Variants in PHF8 observed in about 807,000 individuals in gnomAD.
PHF8 encodes the protein PHD finger protein 8.
Under a neutral mutation model 74.4 loss-of-function variants are expected in PHF8, and 9 were observed. The observed-to-expected ratio is 0.12, with a 90% CI of 0.07 to 0.21. The LOEUF (loss-of-function observed/expected upper bound fraction) is 0.21. PHF8 is among the 10% of genes least tolerant of loss of function. The pLI is 1.00. For missense variants in PHF8, 478 were observed against 816.6 expected (o/e 0.59, Z 5.05); for synonymous variants, 311 against 316.6 (o/e 0.98, Z 0.19).
chrX:53,961,531 C>T (rs782703508), intron 19 of PHF8, among the ~76,000 whole-genome samples: 2 of 111,218 alleles, frequency 1.8e-5, no homozygotes, highest in Non-Finnish European at 3.8e-5. Flanking sequence ...TTCACCATGT[C>T]GGTCAGGCTG....
intron 2 of PHF8, among the ~76,000 whole-genome samples, chrX:54,040,457 G>A (rs1481501311): frequency 1.8e-5 from 2 of 111,999 alleles, no homozygotes; most frequent in Non-Finnish European, 3.8e-5. Context: ...GAATGACACA[G>A]ATATATTTAT....
chrX:53,992,679 A>T, intron 14 of PHF8, 57 bp downstream of exon 14: 1 of 689,391 alleles, frequency 1.5e-6, no homozygotes, highest in Non-Finnish European at 2.3e-6. Flanking sequence ...GCCCTGTCTC[A>T]GTGGCATATT....
intron 19 of PHF8, among the ~76,000 whole-genome samples, chrX:53,962,369 T>C (rs782357659): frequency 2.7e-4 from 30 of 111,892 alleles, no homozygotes; most frequent in Admixed American, 1.7e-3. Context: ...TCTTCCATTA[T>C]CCTCTAAACT....
intron 18 of PHF8, among the ~76,000 whole-genome samples, chrX:53,964,563 ATCATAGAAATAGAAAG>A (rs2065150823): frequency 9.0e-6 from 1 of 111,421 alleles, no homozygotes. Context: ...AGGTGTCAAA[ATCATAGAAATAGAAAG>A]TAGAGGTCGG....
chrX:54,028,634 G>A (rs1414602459), intron 2 of PHF8, among the ~76,000 whole-genome samples: 2 of 111,078 alleles, frequency 1.8e-5, no homozygotes, highest in African/African-American at 3.3e-5. Context: ...AGCCACTTAC[G>A]TACTTCAAAT....
rs1028478905 is a variant in PHF8, at chrX:54,002,532, T to C, written c.1034+63A>G. On this transcript the variant is annotated intron_variant, in intron 9 of 21. Coordinates refer to ENST00000338154, the MANE Select transcript of PHF8 (RefSeq NM_015107.3). ...CTGGCCATGTCCCCTCCTTCTACATTATACTCCTCACTCTAGCAGACAGGA... is the reference window on the plus strand; with the variant it reads ...CTGGCCATGTCCCCTCCTTCTACATCATACTCCTCACTCTAGCAGACAGGA... 1.1e-5 allele frequency: 8 copies of C among 731,743 alleles called. No homozygotes were observed. The African/African-American group carries it at 1.7e-4, about 15-fold the overall frequency. The allele number at this position is 731,743 out of a possible 1,213,427, so 60.3% of individuals were successfully genotyped here.
chrX:53,962,174 G>T (rs1297921024), intron 19 of PHF8, among the ~76,000 whole-genome samples: 3 of 111,653 alleles, frequency 2.7e-5, no homozygotes, highest in African/African-American at 9.8e-5. Context: ...GAACTTTTGA[G>T]ACCATTCAGC....
chrX:54,000,972 G>A (rs2065817448), intron 10 of PHF8, among the ~76,000 whole-genome samples: 1 of 113,005 alleles, frequency 8.8e-6, no homozygotes, highest in South Asian at 3.6e-4. Flanking sequence ...ATTATGCTGA[G>A]TAAAAAAGTG....
chrX:53,985,013 G>A lies in PHF8; in HGVS notation c.2344C>T (p.Arg782Trp), dbSNP rs1557099077. Reference protein sequence around the residue: ...QRTPGKRPIKRPAYWRTESEE... With the variant: ...QRTPGKRPIKWPAYWRTESEE... ...CTCTCGGTTCTCCAGTATGCTGGCC[G>A]CTTGATGGGCCGCTTCCCTGGGGTG... The change falls in exon 18 of 22, where the codon CGG (arginine) becomes TGG (tryptophan). Residue 782 changes from arginine to tryptophan, a missense_variant. Physicochemically the swap from Arg to Trp is moderately radical, Grantham distance 101. Around this residue, in one of 9 missense-constraint regions of PHF8, gnomAD observed 51 missense variants for 45.8 expected, o/e 1.11. Transcript: ENST00000338154. 2 of 1,208,271 alleles carry A rather than the reference G, an allele frequency of 1.7e-6. No homozygotes were observed. Among genetic ancestry groups the A allele is most frequent in the Non-Finnish European group, 2.2e-6 (2 of 893,770 alleles).
intron 18 of PHF8, among the ~76,000 whole-genome samples, chrX:53,983,390 G>A (rs2065509455): frequency 9.0e-6 from 1 of 111,190 alleles, no homozygotes; most frequent in Admixed American, 9.6e-5. Flanking sequence ...ATGGGTGAAA[G>A]ACTGAATGGA....
Position 53,993,683 on chromosome X carries a change from C to T in PHF8, c.1544G>A (p.Gly515Glu). 8.3e-7 allele frequency: 1 copy of T among 1,209,679 alleles called. No individual in the cohort carries two copies. Among genetic ancestry groups the T allele is most frequent in the Non-Finnish European group, 1.1e-6 (1 of 893,397 alleles). Residue 515 changes from glycine to glutamate, a missense_variant, in exon 13 of 22, where the codon GGG becomes GAG. Coordinates refer to ENST00000338154, the MANE Select transcript of PHF8 (RefSeq NM_015107.3). ...ATTATAGCTCAACTGGCCAGCAGGC[C>T]CCAAGGCTGAACTCTCCTTGCCCTT... ...ERKGKESSAL[G>E]PAGQLSYNLM...
rs1603339960 is a variant in PHF8, at chrX:54,023,773, T to C, written c.99-930A>G. 3.0e-5 allele frequency among the ~76,000 whole-genome samples: 3 copies of C among 100,068 alleles called. No homozygotes were observed. In the East Asian group the frequency reaches 9.4e-4, roughly 31 times the overall value. 86.9% of individuals were successfully genotyped at this position (100,068 alleles called of 115,157 possible). ...GGAGGATCCCTTGAACCCAGGAGATTGAGGCTACAGTGGGCCATGATTGTG... is the reference window on the plus strand; with the variant it reads ...GGAGGATCCCTTGAACCCAGGAGATCGAGGCTACAGTGGGCCATGATTGTG... On this transcript the variant is annotated intron_variant, in intron 2 of 21. Coordinates refer to ENST00000338154, the MANE Select transcript of PHF8 (RefSeq NM_015107.3).
rs187959162 is a variant in PHF8 at position 54,042,300 on chromosome X, G to A, written c.98+331C>T. Reference sequence around the variant, plus strand: ...TGGGCAACGAGCGAAACTCCGTCTCGAAAAAAATAAAACAAAATAAAAAAT... The same window carrying A: ...TGGGCAACGAGCGAAACTCCGTCTCAAAAAAAATAAAACAAAATAAAAAAT... On this transcript the variant is annotated intron_variant, in intron 2 of 21. Transcript: ENST00000338154. 9.2e-3 allele frequency among the ~76,000 whole-genome samples: 790 copies of A among 85,970 alleles called. 5 individuals carry two copies. The highest frequency in any genetic ancestry group is 0.019 in the Middle Eastern group (2 of 106). 74.7% of individuals were successfully genotyped at this position (85,970 alleles called of 115,157 possible).
intron 2 of PHF8, among the ~76,000 whole-genome samples, chrX:54,040,917 C>T (rs2066541479): frequency 8.9e-6 from 1 of 111,982 alleles, no homozygotes; most frequent in Non-Finnish European, 1.9e-5. Context: ...AGGGTTGTCC[C>T]CTCTTAAATA....
At chrX:54,032,347 C>G (rs1569529692) in intron 2 of PHF8, among the ~76,000 whole-genome samples, 1 of 110,815 alleles carries the variant, frequency 9.0e-6, no homozygotes, top group African/African-American at 3.3e-5. Flanking sequence ...TGTATATGAT[C>G]TGCACACCCC....
chrX:53,999,826 A>G, intron 11 of PHF8, 44 bp downstream of exon 11: 1 of 872,789 alleles, frequency 1.1e-6, no homozygotes, highest in Non-Finnish European at 1.7e-6. Flanking sequence ...CAGTCCCTAC[A>G]AAGGGCAAAA....
rs1307518864 is a variant in PHF8 at position 54,036,977 on chromosome X, G to A, written c.98+5654C>T. ...ATCGCGCCATTGCACTCCAGCCTGGGCAACAGGCTGTTTCAGAAAAAATAA... is the reference window on the plus strand; with the variant it reads ...ATCGCGCCATTGCACTCCAGCCTGGACAACAGGCTGTTTCAGAAAAAATAA... On this transcript the variant is annotated intron_variant, in intron 2 of 21. Transcript: ENST00000338154. Among the ~76,000 whole-genome samples, 3 of 101,813 alleles carry A rather than the reference G, an allele frequency of 2.9e-5. No individual in the cohort carries two copies. The Admixed American group carries it at 3.2e-4, about 11-fold the overall frequency. The allele number at this position is 101,813 out of a possible 115,157, so 88.4% of individuals were successfully genotyped here. A position where few individuals can be genotyped will look rare whatever the true frequency, so the allele number is the denominator to read the frequency against.
chrX:53,958,707 C>T (rs1032320039), intron 19 of PHF8, among the ~76,000 whole-genome samples: 1 of 91,137 alleles, frequency 1.1e-5, no homozygotes, highest in Non-Finnish European at 2.1e-5. Flanking sequence ...ACCCAGGAGG[C>T]GGAGCTTGCA....
At chrX:54,041,392 A>G (rs1288653223) in intron 2 of PHF8, among the ~76,000 whole-genome samples, 2 of 108,450 alleles carry the variant, frequency 1.8e-5, no homozygotes, top group Non-Finnish European at 3.8e-5. Flanking sequence ...CTCAAATAAA[A>G]AAAAAAAAAA....
Sources: allele counts gnomAD v4.1 joint callset (sites outside exome capture counted in the v4.1 genomes callset), GRCh38; gene constraint gnomAD v4.1.1; regional missense constraint gnomAD v4.1.1; transcripts MANE v1.5; gene names NCBI Gene and HGNC (gene_info 2026-07-23, HGNC 2026-07-21).